Variants in PHACTR1 observed in about 807,000 individuals in gnomAD.
PHACTR1 encodes RPEL repeat containing 1.
PHACTR1 carries 16 observed loss-of-function variants against 69.2 expected under a neutral mutation model. The observed-to-expected ratio is 0.23, with a 90% CI of 0.16 to 0.35. PHACTR1 has a LOEUF of 0.35. Ranked by LOEUF, PHACTR1 falls within the 10% of genes least tolerant of loss-of-function variation. The pLI is 1.00. For synonymous variants in PHACTR1, 312 were observed against 284.5 expected (o/e 1.10, Z -0.97); for missense variants, 510 against 734.7 (o/e 0.69, Z 3.54).
At chr6:13,023,366 A>G (rs1369669569) in intron 4 of PHACTR1, among the ~76,000 whole-genome samples, 1 of 152,192 alleles carries the variant, frequency 6.6e-6, no homozygotes, top group African/African-American at 2.4e-5. Flanking sequence ...CTAAGAGTTA[A>G]TCATCTTGAC....
At chr6:12,921,558 AGGAAGGAAGGAG>A (rs1787674023) in intron 4 of PHACTR1, among the ~76,000 whole-genome samples, 2 of 124,104 alleles carry the variant, frequency 1.6e-5, no homozygotes, top group East Asian at 2.9e-4. Flanking sequence ...GGAAGGAGGA[AGGAAGGAAGGAG>A]GGAAGGAAGG....
At chr6:12,886,505 T>C (rs1033574328) in intron 4 of PHACTR1, among the ~76,000 whole-genome samples, 16 of 151,936 alleles carry the variant, frequency 1.1e-4, no homozygotes, top group Non-Finnish European at 4.4e-5. Flanking sequence ...TTTATGCCCA[T>C]TTTACAGAAG....
At chr6:12,811,509 A>G (rs1392757489) in intron 4 of PHACTR1, among the ~76,000 whole-genome samples, 1 of 152,242 alleles carries the variant, frequency 6.6e-6, no homozygotes, top group Non-Finnish European at 1.5e-5. Context: ...ATGTAAAACC[A>G]TTGAACTGTG....
intron 3 of PHACTR1, among the ~76,000 whole-genome samples, chr6:12,720,555 A>C (rs567272672): frequency 1.3e-5 from 2 of 152,190 alleles, no homozygotes; most frequent in Non-Finnish European, 2.9e-5. Context: ...CGGAGCTGGA[A>C]GGACTAGAAA....
At chr6:13,158,227 G>T (rs549505326) in intron 5 of PHACTR1, among the ~76,000 whole-genome samples, 3 of 152,190 alleles carry the variant, frequency 2.0e-5, no homozygotes, top group African/African-American at 7.2e-5. Flanking sequence ...TAACCTAACT[G>T]CATGCAATTC....
chr6:13,283,706 T>C lies in PHACTR1; in HGVS notation c.1650+144T>C. On this transcript the variant is annotated intron_variant, in intron 13 of 14. Coordinates refer to ENST00000332995, the MANE Select transcript of PHACTR1 (RefSeq NM_030948.6). This position sits in a 1 kb window ranked among gnomAD's most constrained non-coding sequence, Gnocchi z 4.7. ...ATGGAGTGTTGAGACCCCAACACCT[T>C]TCCCCAGGGGCCACAGATAATCTGC... 8.4e-7 allele frequency: 1 copy of C among 1,185,486 alleles called. No homozygotes were observed. The highest frequency in any genetic ancestry group is 1.2e-6 in the Non-Finnish European group (1 of 825,266). The allele number at this position is 1,185,486 out of a possible 1,614,324, so 73.4% of individuals were successfully genotyped here. A position where few individuals can be genotyped will look rare whatever the true frequency, so the allele number is the denominator to read the frequency against.
At chr6:12,830,536 T>G (rs1777428083) in intron 4 of PHACTR1, among the ~76,000 whole-genome samples, 2 of 151,852 alleles carry the variant, frequency 1.3e-5, no homozygotes, top group South Asian at 4.2e-4. Context: ...GGGCAGGATA[T>G]ACTAACTGAA....
intron 4 of PHACTR1, among the ~76,000 whole-genome samples, chr6:12,926,922 C>G (rs1365879641): frequency 6.6e-6 from 1 of 152,224 alleles, no homozygotes; most frequent in Non-Finnish European, 1.5e-5. Context: ...TCTTTTCATG[C>G]CTCTGTGCCT....
intron 4 of PHACTR1, among the ~76,000 whole-genome samples, chr6:12,806,043 C>T (rs1774290512): frequency 3.9e-5 from 6 of 152,274 alleles, no homozygotes; most frequent in Admixed American, 3.9e-4. Context: ...GTCTCCTACC[C>T]CTTTTTCCCA....
In PHACTR1 at chr6:12,735,233, G is replaced by A. The variant is rs568701240; in HGVS notation, c.104-14411G>A. Reference sequence around the variant, plus strand: ...TAGGCTGCTGGTGTGTCTCCATCACGTTGCAACTGACCTTCCCCAAAGCAA... The same window carrying A: ...TAGGCTGCTGGTGTGTCTCCATCACATTGCAACTGACCTTCCCCAAAGCAA... On this transcript the variant is annotated intron_variant, in intron 3 of 14. Transcript: ENST00000332995. Among the ~76,000 whole-genome samples the A allele has an allele frequency of 3.3e-5, 5 of 152,106 alleles. No homozygotes were observed. The South Asian group carries it at 1.0e-3, about 32-fold the overall frequency.
intron 4 of PHACTR1, among the ~76,000 whole-genome samples, chr6:12,810,677 T>G (rs1034051462): frequency 6.6e-6 from 1 of 152,206 alleles, no homozygotes; most frequent in Non-Finnish European, 1.5e-5. Flanking sequence ...ACTGCCGTGG[T>G]GTGCCCTGCT....
chr6:13,100,589 A>G (rs1937774), intron 5 of PHACTR1, among the ~76,000 whole-genome samples: 115,381 of 152,140 alleles, frequency 0.76, 44,122 homozygotes, highest in East Asian at 0.93. Context: ...TGGTATTTCC[A>G]TCTCTTGGCT....
intron 3 of PHACTR1, among the ~76,000 whole-genome samples, chr6:12,728,289 C>G (rs549831785): frequency 1.3e-5 from 2 of 152,212 alleles, no homozygotes; most frequent in South Asian, 2.1e-4. Flanking sequence ...ACTGCACCAG[C>G]CTGGGCAATG....
At chr6:12,954,315 T>TG (rs751244190) in intron 4 of PHACTR1, among the ~76,000 whole-genome samples, 11 of 151,558 alleles carry the variant, frequency 7.3e-5, no homozygotes, top group Non-Finnish European at 1.3e-4. Flanking sequence ...GGCAGTAGGA[T>TG]GCTATTAAAA....
At chr6:12,836,333 A>C (rs1229911670) in intron 4 of PHACTR1, among the ~76,000 whole-genome samples, 1 of 152,190 alleles carries the variant, frequency 6.6e-6, no homozygotes. Flanking sequence ...TCCATTGGGC[A>C]AGCAATTTAC....
At position 13,147,166 on chromosome 6, in the gene PHACTR1, C is replaced by T. The variant is rs758350573; in HGVS notation, c.416-13038C>T. Among the ~76,000 whole-genome samples the T allele has an allele frequency of 6.6e-5, 10 of 152,206 alleles. No individual in the cohort carries two copies. In the East Asian group the frequency reaches 7.7e-4, roughly 12 times the overall value. On this transcript the variant is annotated intron_variant, in intron 5 of 14. Coordinates refer to ENST00000332995, the MANE Select transcript of PHACTR1 (RefSeq NM_030948.6). ...AGTTTTATCAAGTCATGTTTTACCA[C>T]GTTCCCATAATAAGGGACCAATAAA... is the stretch of plus-strand genomic sequence containing the variant.
intron 4 of PHACTR1, among the ~76,000 whole-genome samples, chr6:12,956,309 C>T (rs898622960): frequency 2.6e-5 from 4 of 152,168 alleles, no homozygotes; most frequent in Non-Finnish European, 5.9e-5. Context: ...ACTTGATCGT[C>T]GTATTGTGTG....
Position 13,206,057 on chromosome 6 carries a change from C to T in PHACTR1, c.907C>T (p.Leu303Phe). 1 of 1,613,878 alleles carries T rather than the reference C, an allele frequency of 6.2e-7. No homozygotes were observed. Among genetic ancestry groups the T allele is most frequent in the South Asian group, 1.1e-5 (1 of 91,068 alleles). The change falls in exon 8 of 15, where the codon CTC (leucine) becomes TTC (phenylalanine). Residue 303 changes from leucine (L) to phenylalanine (F), a missense_variant. By Grantham distance (22) the Leu-to-Phe change is conservative. This residue lies in a region of PHACTR1 where 419 missense variants were observed against 530.9 expected (regional missense o/e 0.79). Transcript: ENST00000332995. The stretch of plus-strand genomic sequence containing the variant: ...GCACCTCCCCTCCACCACCGGCTCC[C>T]TCCCCATGCACCCCTCGGGCTGCAG... ...GQHLPSTTGS[L>F]PMHPSGCRMI...
chr6:12,733,188 G>A (rs554007622), intron 3 of PHACTR1, among the ~76,000 whole-genome samples: 15 of 152,272 alleles, frequency 9.9e-5, no homozygotes, highest in Non-Finnish European at 2.1e-4. Flanking sequence ...TATTTGTAAT[G>A]TTTCATTTAA....
Sources: allele counts gnomAD v4.1 joint callset (sites outside exome capture counted in the v4.1 genomes callset), GRCh38; gene constraint gnomAD v4.1.1; regional missense constraint gnomAD v4.1.1; non-coding constraint Gnocchi (gnomAD v3.1); transcripts MANE v1.5; gene names NCBI Gene and HGNC (gene_info 2026-07-23, HGNC 2026-07-21).